Variants in SIAE observed in about 807,000 individuals in gnomAD.
SIAE encodes sialate O-acetylesterase.
In SIAE, 39 loss-of-function variants were observed where a neutral mutation model predicts 52.6. The observed-to-expected ratio is 0.74, with a 90% confidence interval of 0.57 to 0.97. The LOEUF (loss-of-function observed/expected upper bound fraction) is 0.97, where lower values mean the gene tolerates loss of function less well. Among genes scored for constraint, SIAE ranks in the 50% least tolerant of loss-of-function variants. SIAE has a pLI of 0.00. For missense variants in SIAE, 592 were observed against 662.1 expected, an observed-to-expected ratio of 0.89 and a Z score of 1.16; for synonymous variants, 233 against 241.4, an observed-to-expected ratio of 0.97 and a Z score of 0.32.
chr11:124,639,143 TC>T (rs1942801720), intron 8 of SIAE, among the ~76,000 whole-genome samples: 2 of 152,234 alleles, frequency 1.3e-5, no homozygotes, highest in South Asian at 4.1e-4. Context: ...ATTCAATAAA[TC>T]AATCAAGTTC....
rs923063841 is a variant in SIAE at position 124,654,721 on chromosome 11, T to C, written c.478A>G (p.Ile160Val). 1 of 1,614,166 alleles carries C rather than the reference T, an allele frequency of 6.2e-7. No homozygotes were observed. Among genetic ancestry groups the C allele is most frequent in the Admixed American group, 1.7e-5 (1 of 60,022 alleles). ...QSVRILSVSP[I>V]QAEQELEDLV... The stretch of plus-strand genomic sequence containing the variant: ...TCCTCCAGCTCCTGCTCTGCTTGAA[T>C]GGGAGAGACAGAGAGGATGCGGACA... The change falls in exon 4 of 10, where the codon ATT becomes GTT. Residue 160 changes from isoleucine (I) to valine (V), a missense_variant. By Grantham distance (29) the Ile-to-Val change is conservative. Coordinates refer to ENST00000263593, the MANE Select transcript of SIAE (RefSeq NM_170601.5).
At chr11:124,669,567 T>C in intron 1 of SIAE, 46 bp from the exon 2 acceptor site, 4 of 1,541,410 alleles carry the variant, frequency 2.6e-6, no homozygotes, top group Admixed American at 3.3e-5. Flanking sequence ...CGGAGAGATA[T>C]AGCACCAACT....
rs1942794145 is a variant in SIAE at position 124,638,742 on chromosome 11, A to G, written c.1125-5T>C. 6.2e-7 allele frequency: 1 copy of G among 1,613,426 alleles called. No homozygotes were observed. Among genetic ancestry groups the G allele is most frequent in the African/African-American group, 1.3e-5 (1 of 75,044 alleles). On this transcript the variant is annotated splice_polypyrimidine_tract_variant and splice_region_variant and intron_variant, in intron 8 of 9. Coordinates refer to ENST00000263593, the MANE Select transcript of SIAE (RefSeq NM_170601.5). ...TGTTTATCTCGAGGGTGGATGCTAC[A>G]GGATAAGGAACAAGTAGAGAACTTT...
At chr11:124,654,177 CA>C (rs911041119) in intron 4 of SIAE, 5 of 968,070 alleles carry the variant, frequency 5.2e-6, no homozygotes, top group Non-Finnish European at 6.1e-6. Context: ...GACTCCGTCT[CA>C]AAAAAAAGAA....
chr11:124,649,812 G>A lies in SIAE; in HGVS notation c.545-16C>T, dbSNP rs759343936. ...CCTAAGTTTTCTGTTCAGAGAAATGGTTAAAGAAAAAGAGCCAGAGAAAGG... is the reference window on the plus strand; with the variant it reads ...CCTAAGTTTTCTGTTCAGAGAAATGATTAAAGAAAAAGAGCCAGAGAAAGG... On this transcript the variant is annotated splice_polypyrimidine_tract_variant and intron_variant, in intron 4 of 9. Coordinates refer to ENST00000263593, the MANE Select transcript of SIAE (RefSeq NM_170601.5). 6 of 1,613,834 alleles carry A rather than the reference G, an allele frequency of 3.7e-6. No homozygotes were observed. The highest frequency in any genetic ancestry group is 1.1e-5 in the South Asian group (1 of 91,026).
intron 4 of SIAE, among the ~76,000 whole-genome samples, chr11:124,650,750 G>T (rs2134368411): frequency 6.6e-6 from 1 of 152,132 alleles, no homozygotes; most frequent in African/African-American, 2.4e-5. Flanking sequence ...ACCAGCCTGG[G>T]CAACAAGAGC....
chr11:124,664,416 A>C (rs541214383), intron 2 of SIAE, among the ~76,000 whole-genome samples: 2 of 152,136 alleles, frequency 1.3e-5, no homozygotes, highest in African/African-American at 4.8e-5. Flanking sequence ...TTTGTATTTT[A>C]GTAGAGACGA....
In SIAE at chr11:124,635,567, T is replaced by G. The variant is rs1049397895; in HGVS notation, c.*1384A>C. 1.3e-5 allele frequency: 2 copies of G among 152,198 alleles called. No homozygotes were observed. Among genetic ancestry groups the G allele is most frequent in the African/African-American group, 2.4e-5 (1 of 41,456 alleles). 9.4% of individuals were successfully genotyped at this position (152,198 alleles called of 1,614,324 possible). ...GAATTCCACATAATGTTTTAAATTA[T>G]TCAGCCACTAAAAATAAATTTACAT... On this transcript the variant is annotated 3_prime_UTR_variant, in exon 10 of 10. Coordinates refer to ENST00000263593, the MANE Select transcript of SIAE (RefSeq NM_170601.5).
Position 124,637,148 on chromosome 11 carries a change from C to A in SIAE, c.1375G>T (p.Val459Phe), listed in dbSNP as rs188195886. Residue 459 changes from valine (V) to phenylalanine (F), a missense_variant, in exon 10 of 10, where the codon GTC becomes TTC. Val to Phe is a conservative substitution (Grantham distance 50). Transcript: ENST00000263593. ...GCCAGGGTCAGGGACTGGGTGGAGACGGTGTTCATAGAAGCTGGAAGCCAC... is the reference window on the plus strand; with the variant it reads ...GCCAGGGTCAGGGACTGGGTGGAGAAGGTGTTCATAGAAGCTGGAAGCCAC... ...CKWLPASMNT[V>F]STQSLTLAID... 1.9e-6 allele frequency: 3 copies of A among 1,613,954 alleles called. No individual in the cohort carries two copies. The highest frequency in any genetic ancestry group is 2.5e-6 in the Non-Finnish European group (3 of 1,180,020).
chr11:124,637,644 C>CAGA (rs536842715), intron 9 of SIAE, among the ~76,000 whole-genome samples: 1 of 152,152 alleles, frequency 6.6e-6, no homozygotes, highest in South Asian at 2.1e-4. Flanking sequence ...TTTCTCAAGC[C>CAGA]AGAAGGCAAT....
chr11:124,667,069 G>A (rs889192334), intron 2 of SIAE, among the ~76,000 whole-genome samples: 4 of 152,206 alleles, frequency 2.6e-5, no homozygotes, highest in African/African-American at 9.6e-5. Context: ...TATTTCTACA[G>A]CACTGTGTTA....
rs1436114085 is a variant in SIAE at position 124,670,179 on chromosome 11, G to T, written c.68-658C>A. Among the ~76,000 whole-genome samples, 1 of 152,006 alleles carries T rather than the reference G, an allele frequency of 6.6e-6. No individual in the cohort carries two copies. Among genetic ancestry groups the T allele is most frequent in the Non-Finnish European group, 1.5e-5 (1 of 68,004 alleles). Reference sequence around the variant, plus strand: ...TCTCAGGTAAATTCAAATAAATCAAGACACATAAATAAGGTCAGTGAGAGA... The same window carrying T: ...TCTCAGGTAAATTCAAATAAATCAATACACATAAATAAGGTCAGTGAGAGA... On this transcript the variant is annotated intron_variant, in intron 1 of 9. Coordinates refer to ENST00000263593, the MANE Select transcript of SIAE (RefSeq NM_170601.5). The surrounding 1 kb of genome is among the most constrained non-coding windows in gnomAD (Gnocchi z 4.5).
In SIAE at chr11:124,636,926, C is replaced by G; in HGVS notation, c.*25G>C. The G allele has an allele frequency of 3.1e-6, 5 of 1,614,118 alleles. No individual in the cohort carries two copies. The highest frequency in any genetic ancestry group is 4.2e-6 in the Non-Finnish European group (5 of 1,180,042). ...AAATCTGAAGGACCCATCCTTATAT[C>G]TAAGTTCTGATCATACTGAAACAGT... On this transcript the variant is annotated 3_prime_UTR_variant, in exon 10 of 10. Transcript: ENST00000263593.
chr11:124,640,593 AGAG>A (rs1269437033), intron 7 of SIAE, among the ~76,000 whole-genome samples: 7 of 152,226 alleles, frequency 4.6e-5, no homozygotes, highest in Admixed American at 4.6e-4. Context: ...GTAGGCAAGC[AGAG>A]AAGAATCTGC....
At position 124,637,184 on chromosome 11, in the gene SIAE, G is replaced by C; in HGVS notation, c.1339C>G (p.His447Asp). The change falls in exon 10 of 10, where the codon CAT becomes GAT. Residue 447 changes from histidine (H) to aspartate (D), a missense_variant. By Grantham distance (81) the His-to-Asp change is moderately conservative (BLOSUM62 -1). Coordinates refer to ENST00000263593, the MANE Select transcript of SIAE (RefSeq NM_170601.5). Reference sequence around the variant, plus strand: ...GAAGCTGGAAGCCACTTGCATCGATGGTCACTGCAACAGGAGATCTAATAA... The same window carrying C: ...GAAGCTGGAAGCCACTTGCATCGATCGTCACTGCAACAGGAGATCTAATAA... The part of the protein sequence containing the change: ...KIFEISCCSD[H>D]RCKWLPASMN... 1 of 1,614,118 alleles carries C rather than the reference G, an allele frequency of 6.2e-7. No homozygotes were observed. The highest frequency in any genetic ancestry group is 8.5e-7 in the Non-Finnish European group (1 of 1,180,026).
In SIAE at chr11:124,654,781, T is replaced by C; in HGVS notation, c.418A>G (p.Thr140Ala). The change falls in exon 4 of 10, where the codon ACA (threonine) becomes GCA (alanine). Residue 140 changes from threonine to alanine, a missense_variant. Physicochemically the swap from Thr to Ala is moderately conservative, Grantham distance 58. Coordinates refer to ENST00000263593, the MANE Select transcript of SIAE (RefSeq NM_170601.5). ...GCCGCAGTGTTAGACAACTCCCTTG[T>C]AGCATTAAATATCTGGAAAAGAAAT... ...QMTVLQIFNA[T>A]RELSNTAAYQ... 1.9e-6 allele frequency: 3 copies of C among 1,613,734 alleles called. No homozygotes were observed. The highest frequency in any genetic ancestry group is 2.5e-6 in the Non-Finnish European group (3 of 1,180,040).
At chr11:124,672,859 G>A (rs935353048) in intron 1 of SIAE, among the ~76,000 whole-genome samples, 5 of 152,098 alleles carry the variant, frequency 3.3e-5, no homozygotes, top group Non-Finnish European at 7.4e-5. Flanking sequence ...TTCTTAACAG[G>A]GATCTCTGGG....
upstream of SIAE, chr11:124,675,499 C>A: frequency 6.7e-7 from 1 of 1,484,456 alleles, no homozygotes. Flanking sequence ...AGACCATCTC[C>A]ATTCTGCAGA....
upstream of SIAE, chr11:124,673,820 C>T: frequency 7.8e-7 from 1 of 1,278,846 alleles, no homozygotes; most frequent in South Asian, 1.3e-5. Flanking sequence ...CGCAGCCTCC[C>T]GCGACCTCAG....
Sources: gnomAD v4.1 joint callset for allele counts (sites outside exome capture counted in the v4.1 genomes callset) on GRCh38, gnomAD v4.1.1 for gene constraint, Gnocchi (gnomAD v3.1) non-coding constraint, MANE v1.5 for transcripts, NCBI Gene and HGNC (gene_info 2026-07-23, HGNC 2026-07-21) for gene names.